The following FBXL17 variants were observed in gnomAD, a reference collection of about 807,000 sequenced individuals.
The protein encoded by FBXL17 is F-box/LRR-repeat protein 17.
Under a neutral mutation model 66.2 loss-of-function variants are expected in FBXL17, and 22 were observed. The ratio of observed to expected loss-of-function variants is 0.33; its 90% CI spans 0.24 to 0.47. The LOEUF is 0.47. Ranked by LOEUF, FBXL17 falls within the 20% of genes least tolerant of loss-of-function variation. The pLI, the probability that FBXL17 is intolerant of heterozygous loss-of-function variation, is 1.00. For missense variants in FBXL17, 878 were observed against 948.2 expected, an observed-to-expected ratio of 0.93 and a Z score of 0.97; for synonymous variants, 474 against 400.5, an observed-to-expected ratio of 1.18 and a Z score of -2.19.
chr5:107,916,498 A>T (rs943236673), intron 7 of FBXL17, among the ~76,000 whole-genome samples: 1 of 152,224 alleles, frequency 6.6e-6, no homozygotes, highest in East Asian at 1.9e-4. Flanking sequence ...GATAAAAATG[A>T]AACTAAATAA....
In FBXL17 at chr5:107,920,027, C is replaced by T. The variant is rs77401530; in HGVS notation, c.1823-38848G>A. On this transcript the variant is annotated intron_variant, in intron 7 of 8. Transcript: ENST00000542267. Reference sequence around the variant, plus strand: ...CAACCTTCTAAGATCTAGTTTTATGCCACAGTTGCAAAATGCATACTTAAA... The same window carrying T: ...CAACCTTCTAAGATCTAGTTTTATGTCACAGTTGCAAAATGCATACTTAAA... Among the ~76,000 whole-genome samples, 273 of 152,206 alleles carry T rather than the reference C, an allele frequency of 1.8e-3. 3 individuals are homozygous for T. Among genetic ancestry groups the T allele is most frequent in the Admixed American group, 4.7e-3 (72 of 15,282 alleles).
chr5:108,375,851 C>T (rs1168148626), intron 1 of FBXL17, among the ~76,000 whole-genome samples: 1 of 152,094 alleles, frequency 6.6e-6, no homozygotes, highest in Non-Finnish European at 1.5e-5. Context: ...CTTATGAATA[C>T]CGATGTGAAA....
intron 6 of FBXL17, among the ~76,000 whole-genome samples, chr5:108,064,791 C>A (rs927957476): frequency 6.6e-6 from 1 of 152,144 alleles, no homozygotes; most frequent in African/African-American, 2.4e-5. Flanking sequence ...GTGATTTTAT[C>A]TCACAGTTCC....
intron 7 of FBXL17, among the ~76,000 whole-genome samples, chr5:107,976,687 C>T (rs569921478): frequency 2.0e-4 from 30 of 152,204 alleles, no homozygotes; most frequent in African/African-American, 6.3e-4. Flanking sequence ...TTTAAAAATG[C>T]TTTAATGACA....
At chr5:108,301,217 A>G (rs1370949999) in intron 4 of FBXL17, among the ~76,000 whole-genome samples, 2 of 151,736 alleles carry the variant, frequency 1.3e-5, no homozygotes, top group African/African-American at 4.8e-5. Context: ...GTTTTCTATT[A>G]CCAAGTCTTA....
intron 4 of FBXL17, among the ~76,000 whole-genome samples, chr5:108,291,908 C>G (rs1758127290): frequency 6.6e-6 from 1 of 152,140 alleles, no homozygotes; most frequent in African/African-American, 2.4e-5. Context: ...AATACCCTCT[C>G]TCCTCTCACT....
intron 6 of FBXL17, among the ~76,000 whole-genome samples, chr5:108,080,669 A>T (rs1366459784): frequency 5.9e-5 from 9 of 152,308 alleles, no homozygotes; most frequent in Admixed American, 4.6e-4. Flanking sequence ...ACATTGGTTC[A>T]GTCTGAAAAG....
At position 107,859,245 on chromosome 5, in the gene FBXL17, T is replaced by C. The variant is rs1383887882; in HGVS notation, c.*2475A>G. The C allele has an allele frequency of 6.6e-6, 1 of 152,122 alleles. No individual in the cohort carries two copies. The highest frequency in any genetic ancestry group is 2.4e-5 in the African/African-American group (1 of 41,432). The allele number at this position is 152,122 out of a possible 1,614,324, so 9.4% of individuals were successfully genotyped here. A position where few individuals can be genotyped will look rare whatever the true frequency, so the allele number is the denominator to read the frequency against. On this transcript the variant is annotated 3_prime_UTR_variant, in exon 9 of 9. Coordinates refer to ENST00000542267, the MANE Select transcript of FBXL17 (RefSeq NM_001163315.3). ...ATAAAAAGCCCTGCATTAAACGTGT[T>C]CACATGTATTTATGACATTCTAAGC...
rs540766080 is a variant in FBXL17 at position 108,187,634 on chromosome 5, A to G, written c.1615-1387T>C. ...GGAACATGGGCAGCTTTAGAGTTGGAAACAGCCCTCAGCTGCCAGCCGGGA... is the reference window on the plus strand; with the variant it reads ...GGAACATGGGCAGCTTTAGAGTTGGGAACAGCCCTCAGCTGCCAGCCGGGA... On this transcript the variant is annotated intron_variant, in intron 5 of 8. Coordinates refer to ENST00000542267, the MANE Select transcript of FBXL17 (RefSeq NM_001163315.3). 6.6e-5 allele frequency among the ~76,000 whole-genome samples: 10 copies of G among 152,332 alleles called. No individual in the cohort carries two copies. In the South Asian group the frequency reaches 2.1e-3, roughly 32 times the overall value.
In FBXL17 at chr5:108,182,760, A is replaced by G. The variant is rs368046466; in HGVS notation, c.1745+3357T>C. On this transcript the variant is annotated intron_variant, in intron 6 of 8. Coordinates refer to ENST00000542267, the MANE Select transcript of FBXL17 (RefSeq NM_001163315.3). Reference sequence around the variant, plus strand: ...AAGCCTAACAAAGGGAAGGAAAGGCAAAGTGAGAGCTCTCGACATTTTCAT... The same window carrying G: ...AAGCCTAACAAAGGGAAGGAAAGGCGAAGTGAGAGCTCTCGACATTTTCAT... Among the ~76,000 whole-genome samples, 37 of 152,362 alleles carry G rather than the reference A, an allele frequency of 2.4e-4. No homozygotes were observed. The East Asian group carries it at 6.8e-3, about 28-fold the overall frequency.
At chr5:108,306,828 T>A (rs1468803577) in intron 4 of FBXL17, among the ~76,000 whole-genome samples, 1 of 152,012 alleles carries the variant, frequency 6.6e-6, no homozygotes, top group Non-Finnish European at 1.5e-5. Flanking sequence ...CTTCACTAAT[T>A]AATTATCACT....
intron 7 of FBXL17, among the ~76,000 whole-genome samples, chr5:107,949,385 C>T (rs549071961): frequency 1.4e-4 from 21 of 152,160 alleles, no homozygotes; most frequent in African/African-American, 5.1e-4. Context: ...AGTTAAGGGA[C>T]CTGGGTAATT....
At chr5:107,897,420 T>C (rs1749420095) in intron 7 of FBXL17, among the ~76,000 whole-genome samples, 1 of 152,172 alleles carries the variant, frequency 6.6e-6, no homozygotes, top group Non-Finnish European at 1.5e-5. Context: ...GCCAGTCTTT[T>C]GGTTGTACAG....
At chr5:107,947,594 T>A (rs1044397831) in intron 7 of FBXL17, among the ~76,000 whole-genome samples, 1 of 152,238 alleles carries the variant, frequency 6.6e-6, no homozygotes, top group African/African-American at 2.4e-5. Flanking sequence ...TCTGTTCTGA[T>A]AATTTCTACC....
chr5:108,177,930 T>TATATATATATATATAC lies in FBXL17; in HGVS notation c.1745+8186_1745+8187insGTATATATATATATAT, dbSNP rs1554072228. On this transcript the variant is annotated intron_variant, in intron 6 of 8. Coordinates refer to ENST00000542267, the MANE Select transcript of FBXL17 (RefSeq NM_001163315.3). ...AAAAATGTATATATATATATATATA[T>TATATATATATATATAC]ATACACACACACACTATTACCTCAC... Among the ~76,000 whole-genome samples, 4 of 124,994 alleles carry TATATATATATATATAC rather than the reference T, an allele frequency of 3.2e-5. No individual in the cohort carries two copies. In the East Asian group the frequency reaches 9.7e-4, roughly 30 times the overall value. The allele number at this position is 124,994 out of a possible 152,430, so 82.0% of individuals were successfully genotyped here. A position where few individuals can be genotyped will look rare whatever the true frequency, so the allele number is the denominator to read the frequency against.
chr5:108,067,526 G>T (rs1414496178), intron 6 of FBXL17, among the ~76,000 whole-genome samples: 1 of 152,066 alleles, frequency 6.6e-6, no homozygotes, highest in East Asian at 1.9e-4. Flanking sequence ...GAGCTTGAGG[G>T]CCTCTAGATT....
chr5:108,123,834 G>A (rs149211721), intron 6 of FBXL17, among the ~76,000 whole-genome samples: 227 of 152,146 alleles, frequency 1.5e-3, no homozygotes, highest in African/African-American at 4.9e-3. Flanking sequence ...TAAATGATCC[G>A]TCAAAATCAG....
intron 6 of FBXL17, among the ~76,000 whole-genome samples, chr5:108,146,698 T>C (rs1009054371): frequency 3.9e-5 from 6 of 152,128 alleles, no homozygotes; most frequent in African/African-American, 1.4e-4. Flanking sequence ...TGTCAAAAAC[T>C]ATCTAAACTA....
At chr5:108,014,407 C>T (rs1387031330) in intron 7 of FBXL17, among the ~76,000 whole-genome samples, 2 of 152,010 alleles carry the variant, frequency 1.3e-5, no homozygotes, top group African/African-American at 2.4e-5. Flanking sequence ...TAAATGAAGG[C>T]TAGAATGTTT....
Sources: gnomAD v4.1 joint callset for allele counts (sites outside exome capture counted in the v4.1 genomes callset) on GRCh38, gnomAD v4.1.1 for gene constraint, MANE v1.5 for transcripts, NCBI Gene and HGNC (gene_info 2026-07-23, HGNC 2026-07-21) for gene names.